Variants in MCM9 observed in about 807,000 individuals in gnomAD.
MCM9 encodes the protein minichromosome maintenance 9 homologous recombination repair factor.
A neutral mutation model predicts 72.8 loss-of-function variants in MCM9; 55 were observed. The ratio of observed to expected loss-of-function variants is 0.76; its 90% CI spans 0.61 to 0.95. The LOEUF is 0.95. Ranked by LOEUF, MCM9 falls within the 40% of genes least tolerant of loss-of-function variation. The pLI, the probability that MCM9 is intolerant of heterozygous loss-of-function variation, is 0.00. For missense variants in MCM9, 1,279 were observed against 1,377.0 expected (o/e 0.93, Z 1.13); for synonymous variants, 480 against 503.4 (o/e 0.95, Z 0.62).
chr6:118,888,896 A>G, intron 8 of MCM9, among the ~76,000 whole-genome samples: 1 of 152,114 alleles, frequency 6.6e-6, no homozygotes. Context: ...ACAAAAAGTA[A>G]TTCAGTGCTT....
At chr6:118,922,383 T>C (rs1048446566) in intron 4 of MCM9, among the ~76,000 whole-genome samples, 1 of 152,204 alleles carries the variant, frequency 6.6e-6, no homozygotes, top group Non-Finnish European at 1.5e-5. Flanking sequence ...TAACTTTATC[T>C]AGAAAAGAGG....
intron 8 of MCM9, chr6:118,911,366 C>T: frequency 9.0e-7 from 1 of 1,113,160 alleles, no homozygotes; most frequent in Non-Finnish European, 1.1e-6. Flanking sequence ...TGATAAAATG[C>T]CAGATGATAC....
intron 9 of MCM9, among the ~76,000 whole-genome samples, chr6:118,833,534 G>A (rs781595427): frequency 7.2e-5 from 11 of 152,156 alleles, no homozygotes; most frequent in East Asian, 1.9e-4. Flanking sequence ...AAATCCAGGC[G>A]TACATAGATA....
At chr6:118,844,462 C>A (rs982735414) in intron 9 of MCM9, among the ~76,000 whole-genome samples, 2 of 150,936 alleles carry the variant, frequency 1.3e-5, no homozygotes, top group African/African-American at 4.9e-5. Flanking sequence ...GGGGTACATA[C>A]AAACAACCCC....
chr6:118,843,668 A>ATACG (rs1562407098), intron 9 of MCM9, among the ~76,000 whole-genome samples: 3 of 55,438 alleles, frequency 5.4e-5, no homozygotes, highest in South Asian at 6.6e-4. Flanking sequence ...GTATATATAT[A>ATACG]TGTATGTATA....
chr6:118,841,895 C>T lies in MCM9; in HGVS notation c.1326-12645G>A, dbSNP rs181032227. On this transcript the variant is annotated intron_variant, in intron 9 of 13. Transcript: ENST00000619706. ...TGTCGCCTAGGCTGGAGGGCAGTGG[C>T]GTGATCCCAGCTCACTGCAGCCTCC... Among the ~76,000 whole-genome samples the T allele has an allele frequency of 7.5e-3, 1,120 of 148,928 alleles. 6 individuals carry two copies. Among genetic ancestry groups the T allele is most frequent in the South Asian group, 0.016 (75 of 4,702 alleles).
chr6:118,934,593 G>A (rs886435147), intron 1 of MCM9: 3 of 151,994 alleles, frequency 2.0e-5, no homozygotes, highest in Admixed American at 2.0e-4. Flanking sequence ...CACTGCGGGG[G>A]CGCGCCATTT....
Position 118,829,190 on chromosome 6 carries a change from C to T in MCM9, c.1386G>A (p.Gln462=), listed in dbSNP as rs1403073667. Residue 462 remains glutamine (Q), a synonymous_variant, in exon 10 of 14, where the codon CAG becomes CAA. Coordinates refer to ENST00000619706, the MANE Select transcript of MCM9 (RefSeq NM_017696.3). Reference sequence around the variant, plus strand: ...CAGACACGGACTCCTGGGGGTCGTACTGGCCTTTGGGGTTCGTTGCTGCCA... The same window carrying T: ...CAGACACGGACTCCTGGGGGTCGTATTGGCCTTTGGGGTTCGTTGCTGCCA... ...TILAATNPKG[Q]YDPQESVSVN... is the part of the protein sequence containing the mutation. 6.4e-7 allele frequency: 1 copy of T among 1,550,688 alleles called. No individual in the cohort carries two copies. The highest frequency in any genetic ancestry group is 2.0e-5 in the Admixed American group (1 of 50,994).
intron 3 of MCM9, among the ~76,000 whole-genome samples, chr6:118,928,610 G>A (rs537273590): frequency 1.3e-5 from 2 of 152,064 alleles, no homozygotes; most frequent in South Asian, 4.2e-4. Flanking sequence ...TACTTTGGGA[G>A]GCTGAAGCAG....
intron 6 of MCM9, among the ~76,000 whole-genome samples, chr6:118,915,662 C>T (rs985019878): frequency 2.6e-5 from 4 of 152,112 alleles, no homozygotes; most frequent in Non-Finnish European, 5.9e-5. Context: ...AGCTTCCCAA[C>T]TTCACCTCTC....
chr6:118,890,641 T>G (rs1200657725), intron 8 of MCM9, among the ~76,000 whole-genome samples: 1 of 152,082 alleles, frequency 6.6e-6, no homozygotes, highest in Non-Finnish European at 1.5e-5. Context: ...TCTGTATGTA[T>G]GTAATGAATT....
intron 8 of MCM9, among the ~76,000 whole-genome samples, chr6:118,889,942 A>G (rs1562424666): frequency 6.6e-6 from 1 of 152,250 alleles, no homozygotes; most frequent in African/African-American, 2.4e-5. Context: ...CGTGGAGCAG[A>G]GAAGGGGAGA....
At chr6:118,884,738 G>A (rs527464348) in intron 8 of MCM9, among the ~76,000 whole-genome samples, 115 of 152,214 alleles carry the variant, frequency 7.6e-4, no homozygotes, top group African/African-American at 2.5e-3. Flanking sequence ...AAAAACATAC[G>A]TATGTAAATA....
At chr6:118,932,415 AC>A (rs1782514686) in intron 2 of MCM9, among the ~76,000 whole-genome samples, 191 bp downstream of exon 2, 1 of 152,226 alleles carries the variant, frequency 6.6e-6, no homozygotes, top group Admixed American at 6.5e-5. Context: ...TTCCATACAC[AC>A]ACATTTGCTC....
intron 9 of MCM9, among the ~76,000 whole-genome samples, chr6:118,853,686 G>A (rs1776371625): frequency 6.6e-6 from 1 of 152,130 alleles, no homozygotes; most frequent in Non-Finnish European, 1.5e-5. Flanking sequence ...GTCCCCGTAA[G>A]TCCCAGCTAC....
chr6:118,841,374 T>C (rs529420825), intron 9 of MCM9, among the ~76,000 whole-genome samples: 43 of 152,206 alleles, frequency 2.8e-4, no homozygotes, highest in Middle Eastern at 3.4e-3. Context: ...CCTGCCTCTC[T>C]CTCCTCTGGC....
intron 8 of MCM9, among the ~76,000 whole-genome samples, chr6:118,884,590 A>G (rs1778485832): frequency 6.6e-6 from 1 of 152,196 alleles, no homozygotes; most frequent in Non-Finnish European, 1.5e-5. Flanking sequence ...CAGTAACATT[A>G]AATGTGAATG....
intron 4 of MCM9, 99 bp from the exon 5 acceptor site, chr6:118,922,185 T>C: frequency 1.2e-6 from 1 of 835,142 alleles, no homozygotes; most frequent in Non-Finnish European, 1.8e-6. Flanking sequence ...ATTTCTCTGG[T>C]ATATCATACG....
chr6:118,893,953 C>A, intron 8 of MCM9: 1 of 948,932 alleles, frequency 1.1e-6, no homozygotes, highest in Non-Finnish European at 1.3e-6. Context: ...CCGCCGCGGC[C>A]ACGCCCCCTC....
Sources: gnomAD v4.1 joint callset for allele counts (sites outside exome capture counted in the v4.1 genomes callset) on GRCh38, gnomAD v4.1.1 for gene constraint, MANE v1.5 for transcripts, NCBI Gene and HGNC (gene_info 2026-07-23, HGNC 2026-07-21) for gene names.